Variants in HPSE2 observed in about 807,000 individuals in gnomAD.
HPSE2 encodes the protein inactive heparanase-2.
Under a neutral mutation model 60.5 loss-of-function variants are expected in HPSE2, and 38 were observed. The ratio of observed to expected loss-of-function variants is 0.63; its 90% CI spans 0.48 to 0.82. The LOEUF is 0.82. Ranked by LOEUF, HPSE2 falls within the 40% of genes least tolerant of loss-of-function variation. The pLI is 0.00. For missense variants in HPSE2, 713 were observed against 740.4 expected, an observed-to-expected ratio of 0.96 and a Z score of 0.43; for synonymous variants, 295 against 293.2, an observed-to-expected ratio of 1.01 and a Z score of -0.06.
rs879868656 is a variant in HPSE2 at position 99,065,425 on chromosome 10, T to TA, written c.610+78812dup. Among the ~76,000 whole-genome samples, 638 of 149,970 alleles carry TA rather than the reference T, an allele frequency of 4.3e-3. 4 individuals carry two copies. The highest frequency in any genetic ancestry group is 0.017 in the Middle Eastern group (5 of 292). The stretch of plus-strand genomic sequence containing the variant: ...TGAAAAACAAATTTACATTGATTAG[T>TA]AAAAAACAAAACAAAACAAAGGAAT... On this transcript the variant is annotated intron_variant, in intron 3 of 11. Coordinates refer to ENST00000370552, the MANE Select transcript of HPSE2 (RefSeq NM_021828.5).
chr10:98,466,989 C>T (rs191535521), intron 11 of HPSE2, among the ~76,000 whole-genome samples: 1 of 152,332 alleles, frequency 6.6e-6, no homozygotes, highest in Admixed American at 6.5e-5. Context: ...TCCCTTCCAC[C>T]CCCACCTCCT....
intron 2 of HPSE2, among the ~76,000 whole-genome samples, chr10:99,185,143 T>C (rs1847955827): frequency 6.6e-6 from 1 of 150,812 alleles, no homozygotes; most frequent in South Asian, 2.1e-4. Context: ...CGACTAAATA[T>C]ACAAAAAAAA....
intron 5 of HPSE2, among the ~76,000 whole-genome samples, chr10:98,714,193 C>G (rs1443059602): frequency 6.6e-6 from 1 of 151,694 alleles, no homozygotes; most frequent in Non-Finnish European, 1.5e-5. Context: ...TTTTATTAGA[C>G]TCTTAAACGC....
chr10:99,077,150 T>C (rs1201768428), intron 3 of HPSE2, among the ~76,000 whole-genome samples: 1 of 152,232 alleles, frequency 6.6e-6, no homozygotes, highest in African/African-American at 2.4e-5. Context: ...TCTTTCTCTT[T>C]GATTTTTGAC....
At chr10:99,297,706 G>A in the HPSE2 span, among the ~76,000 whole-genome samples, 1 of 152,120 alleles carries the variant, frequency 6.6e-6, no homozygotes, top group Admixed American at 6.6e-5. Context: ...ATGTCGTTCT[G>A]TGACCCCAAC....
chr10:98,922,371 G>T (rs2135067810), intron 3 of HPSE2, among the ~76,000 whole-genome samples: 1 of 152,180 alleles, frequency 6.6e-6, no homozygotes, highest in Non-Finnish European at 1.5e-5. Context: ...TTGTCATTTT[G>T]GGGTACCTAG....
chr10:99,266,530 C>G, the HPSE2 span, among the ~76,000 whole-genome samples: 1 of 152,054 alleles, frequency 6.6e-6, no homozygotes, highest in Admixed American at 6.5e-5. Flanking sequence ...CACGCCTAAC[C>G]CTGCCCCCAC....
intron 3 of HPSE2, among the ~76,000 whole-genome samples, chr10:98,869,865 A>G (rs905565166): frequency 3.3e-5 from 5 of 152,154 alleles, no homozygotes; most frequent in African/African-American, 1.2e-4. Context: ...CTATTATTCA[A>G]TTATTACAAT....
At chr10:98,746,916 G>T (rs1949643673) in intron 3 of HPSE2, among the ~76,000 whole-genome samples, 1 of 151,896 alleles carries the variant, frequency 6.6e-6, no homozygotes, top group Non-Finnish European at 1.5e-5. Context: ...AAACTAAACA[G>T]ATTCTAAGGA....
intron 3 of HPSE2, among the ~76,000 whole-genome samples, chr10:99,027,482 A>G (rs1957403876): frequency 2.0e-5 from 3 of 152,330 alleles, no homozygotes; most frequent in South Asian, 4.1e-4. Context: ...GTTTCCCACT[A>G]AAGAAAAGCC....
intron 6 of HPSE2, among the ~76,000 whole-genome samples, chr10:98,692,438 A>G (rs1054726759): frequency 6.6e-6 from 1 of 152,148 alleles, no homozygotes; most frequent in African/African-American, 2.4e-5. Flanking sequence ...CAAGGGAATG[A>G]CAAGATCCTC....
chr10:98,987,820 A>C (rs1956407000), intron 3 of HPSE2, among the ~76,000 whole-genome samples: 1 of 152,118 alleles, frequency 6.6e-6, no homozygotes, highest in Non-Finnish European at 1.5e-5. Flanking sequence ...ATCAATGTGC[A>C]AAAATCACAA....
chr10:98,581,107 A>AT (rs1589450307), intron 9 of HPSE2, among the ~76,000 whole-genome samples: 2 of 151,536 alleles, frequency 1.3e-5, no homozygotes, highest in South Asian at 4.2e-4. Flanking sequence ...CGCCTGGCTA[A>AT]TTTTTGTGTT....
At chr10:98,590,455 C>A (rs1023947290) in intron 9 of HPSE2, among the ~76,000 whole-genome samples, 1 of 152,192 alleles carries the variant, frequency 6.6e-6, no homozygotes, top group African/African-American at 2.4e-5. Context: ...GGGGTCATAT[C>A]ATTCAAACAT....
intron 11 of HPSE2, among the ~76,000 whole-genome samples, chr10:98,471,105 C>T (rs1227616029): frequency 2.0e-5 from 3 of 152,228 alleles, no homozygotes; most frequent in East Asian, 1.9e-4. Context: ...ACAGAGAACT[C>T]CCAGGGGCTC....
intron 5 of HPSE2, among the ~76,000 whole-genome samples, chr10:98,713,883 A>G (rs2134227576): frequency 6.6e-6 from 1 of 152,032 alleles, no homozygotes; most frequent in East Asian, 1.9e-4. Context: ...TTATTCTAAT[A>G]GTTTAGACAA....
intron 3 of HPSE2, among the ~76,000 whole-genome samples, chr10:99,140,138 C>T (rs1281286592): frequency 2.0e-5 from 3 of 152,180 alleles, no homozygotes; most frequent in African/African-American, 7.2e-5. Context: ...GTCCTTGTTT[C>T]ACTGATTTGC....
At chr10:98,905,248 G>A (rs1049105458) in intron 3 of HPSE2, among the ~76,000 whole-genome samples, 50 of 151,408 alleles carry the variant, frequency 3.3e-4, no homozygotes, top group African/African-American at 1.2e-3. Flanking sequence ...CCATGCTGGT[G>A]TGCTGCACCC....
intron 3 of HPSE2, among the ~76,000 whole-genome samples, chr10:98,941,707 T>C (rs1449538114): frequency 1.5e-5 from 2 of 135,518 alleles, no homozygotes; most frequent in Non-Finnish European, 3.1e-5. Flanking sequence ...AATGACTTTC[T>C]TCACAGAATT....
Sources: allele counts gnomAD v4.1 joint callset (sites outside exome capture counted in the v4.1 genomes callset), GRCh38; gene constraint gnomAD v4.1.1; transcripts MANE v1.5; gene names NCBI Gene and HGNC (gene_info 2026-07-23, HGNC 2026-07-21).